AGO2: variants seen among roughly 807,000 people sequenced by gnomAD.
The protein encoded by AGO2 is argonaute RISC catalytic component 2.
A neutral mutation model predicts 102.3 loss-of-function variants in AGO2; 5 were observed. That is an observed-to-expected ratio of 0.05 (90% CI 0.03 to 0.10). The LOEUF is 0.10. Ranked by LOEUF, AGO2 falls within the 10% of genes least tolerant of loss-of-function variation. The pLI is 1.00. For synonymous variants in AGO2, 449 were observed against 473.1 expected, an observed-to-expected ratio of 0.95 and a Z score of 0.66; for missense variants, 541 against 1,183.7, an observed-to-expected ratio of 0.46 and a Z score of 7.97.
At chr8:140,587,745 C>T (rs1047281638) in intron 1 of AGO2, among the ~76,000 whole-genome samples, 1 of 152,250 alleles carries the variant, frequency 6.6e-6, no homozygotes, top group African/African-American at 2.4e-5. Context: ...CACATACGCA[C>T]TTGTCACATT....
chr8:140,529,288 A>G lies in AGO2; in HGVS notation c.*2756T>C, dbSNP rs1167391778. 6.6e-6 allele frequency: 1 copy of G among 152,240 alleles called. No homozygotes were observed. Among genetic ancestry groups the G allele is most frequent in the African/African-American group, 2.4e-5 (1 of 41,466 alleles). The allele number at this position is 152,240 out of a possible 1,614,324, so 9.4% of individuals were successfully genotyped here. On this transcript the variant is annotated 3_prime_UTR_variant, in exon 19 of 19. Transcript: ENST00000220592. ...GGCCACCTCTGGCTTTCACGTGAAC[A>G]GGGCTGGGACTTACCCTACTGTACT...
chr8:140,558,867 A>G (rs1356174946), intron 6 of AGO2, among the ~76,000 whole-genome samples: 2 of 152,192 alleles, frequency 1.3e-5, no homozygotes, highest in African/African-American at 4.8e-5. Flanking sequence ...GGTACGGTGG[A>G]TGGCCCTGCA....
chr8:140,607,507 TATATATATAC>T (rs1475469068), intron 1 of AGO2, among the ~76,000 whole-genome samples: 21 of 9,658 alleles, frequency 2.2e-3, no homozygotes, highest in African/African-American at 4.1e-3. Context: ...TATATATATA[TATATATATAC>T]ACACACACAC....
chr8:140,636,010 C>A (rs996702521), upstream of AGO2, among the ~76,000 whole-genome samples: 1 of 150,456 alleles, frequency 6.6e-6, no homozygotes, highest in East Asian at 2.0e-4. Flanking sequence ...CCGGGCCCCC[C>A]GGCTGTGCCG....
chr8:140,582,588 G>T (rs796865150), intron 2 of AGO2, among the ~76,000 whole-genome samples: 4 of 152,222 alleles, frequency 2.6e-5, no homozygotes, highest in African/African-American at 9.6e-5. Flanking sequence ...AGTGGGGAAA[G>T]AAAAGTATTT....
At chr8:140,573,195 G>A (rs1443303659) in intron 2 of AGO2, among the ~76,000 whole-genome samples, 2 of 151,676 alleles carry the variant, frequency 1.3e-5, no homozygotes, top group South Asian at 2.1e-4. Context: ...TTGAGACGGA[G>A]TTTCGCTCTT....
chr8:140,556,430 C>T (rs2073095340), intron 8 of AGO2, 144 bp from the exon 9 acceptor site: 7 of 1,063,838 alleles, frequency 6.6e-6, no homozygotes, highest in Non-Finnish European at 9.4e-6. Context: ...GTGCAGGTGT[C>T]TGCTGTGGGG....
In AGO2 at chr8:140,532,199, C is replaced by T. The variant is rs375874391; in HGVS notation, c.2472-47G>A. On this transcript the variant is annotated intron_variant, in intron 18 of 18. Transcript: ENST00000220592. Reference sequence around the variant, plus strand: ...AGAATGAGAATGTGCAGCCTTAATGCACGATGAGGCAGTGCGTCGATCACT... The same window carrying T: ...AGAATGAGAATGTGCAGCCTTAATGTACGATGAGGCAGTGCGTCGATCACT... 4.5e-5 allele frequency: 70 copies of T among 1,552,224 alleles called. No homozygotes were observed. In the African/African-American group the frequency reaches 8.3e-4, roughly 18 times the overall value.
chr8:140,620,528 C>G (rs1392331097), intron 1 of AGO2, among the ~76,000 whole-genome samples: 1 of 152,180 alleles, frequency 6.6e-6, no homozygotes, highest in Admixed American at 6.5e-5. Flanking sequence ...TTCTCCTCCA[C>G]TTTTATGTAC....
At chr8:140,596,018 T>C (rs887170844) in intron 1 of AGO2, among the ~76,000 whole-genome samples, 4 of 136,312 alleles carry the variant, frequency 2.9e-5, no homozygotes, top group Admixed American at 8.3e-5. Flanking sequence ...CACACACACA[T>C]ACACACATAT....
At chr8:140,611,076 C>T (rs940883573) in intron 1 of AGO2, among the ~76,000 whole-genome samples, 1 of 152,108 alleles carries the variant, frequency 6.6e-6, no homozygotes, top group African/African-American at 2.4e-5. Context: ...AAGTGTGGTC[C>T]GGGGAGCTTC....
intron 1 of AGO2, among the ~76,000 whole-genome samples, chr8:140,628,386 CGT>C (rs886356269): frequency 1.3e-5 from 2 of 151,244 alleles, no homozygotes; most frequent in East Asian, 1.9e-4. Context: ...GCTGCAGGCA[CGT>C]GTGTGTGTGC....
Position 140,523,404 on chromosome 8 carries a change from A to C in AGO2, c.*8640T>G, listed in dbSNP as rs2072447680. On this transcript the variant is annotated 3_prime_UTR_variant, in exon 19 of 19. Coordinates refer to ENST00000220592, the MANE Select transcript of AGO2 (RefSeq NM_012154.5). Reference sequence around the variant, plus strand: ...TCTTTTTCAATTATTTTATAAAAATAAAATAAAACTAGAAAAATTGATAAA... The same window carrying C: ...TCTTTTTCAATTATTTTATAAAAATCAAATAAAACTAGAAAAATTGATAAA... The C allele has an allele frequency of 2.0e-5, 3 of 152,196 alleles. No homozygotes were observed. The highest frequency in any genetic ancestry group is 1.3e-4 in the Admixed American group (2 of 15,284). 9.4% of individuals were successfully genotyped at this position (152,196 alleles called of 1,614,324 possible). A position where few individuals can be genotyped will look rare whatever the true frequency, so the allele number is the denominator to read the frequency against.
At chr8:140,560,700 G>A (rs1477375288) in intron 4 of AGO2, among the ~76,000 whole-genome samples, 190 bp from the exon 5 acceptor site, 1 of 152,360 alleles carries the variant, frequency 6.6e-6, no homozygotes, top group Non-Finnish European at 1.5e-5. Flanking sequence ...CACTGTGACA[G>A]CAGCAGGCTG....
At chr8:140,566,322 G>A (rs2073283582) in intron 3 of AGO2, among the ~76,000 whole-genome samples, 1 of 152,202 alleles carries the variant, frequency 6.6e-6, no homozygotes, top group Non-Finnish European at 1.5e-5. Context: ...CCATGACTGT[G>A]ATGCTTCCCT....
In AGO2 at chr8:140,544,243, G is replaced by A. The variant is rs190266166; in HGVS notation, c.1809C>T (p.Ala603=). 339 of 1,595,818 alleles carry A rather than the reference G, an allele frequency of 2.1e-4. 1 individual carries two copies. In the East Asian group the frequency reaches 5.5e-3, roughly 26 times the overall value. Residue 603 remains alanine, a synonymous_variant, in exon 14 of 19, where the codon GCC becomes GCT. Transcript: ENST00000220592. The part of the protein sequence containing the change: ...FLGADVTHPP[A]GDGKKPSIAA... ...CAATGGAGGGCTTCTTCCCATCCCC[G>A]GCGGGGGGGTGAGTGACGTCTGCTC...
At chr8:140,610,903 C>T (rs577992965) in intron 1 of AGO2, among the ~76,000 whole-genome samples, 17 of 152,364 alleles carry the variant, frequency 1.1e-4, no homozygotes, top group Non-Finnish European at 7.3e-5. Context: ...AGATGCTCTT[C>T]TTGGGTGGTT....
intron 2 of AGO2, among the ~76,000 whole-genome samples, chr8:140,578,978 T>C (rs1564097534): frequency 6.6e-6 from 1 of 152,268 alleles, no homozygotes. Context: ...GCTTTTGCCT[T>C]AATACATTCT....
At chr8:140,602,192 G>A (rs2073942925) in intron 1 of AGO2, among the ~76,000 whole-genome samples, 1 of 152,148 alleles carries the variant, frequency 6.6e-6, no homozygotes, top group South Asian at 2.1e-4. Context: ...GAGTAGAATA[G>A]ATGTTAAAAA....
Sources: gnomAD v4.1 joint callset for allele counts (sites outside exome capture counted in the v4.1 genomes callset) on GRCh38, gnomAD v4.1.1 for gene constraint, MANE v1.5 for transcripts, NCBI Gene and HGNC (gene_info 2026-07-23, HGNC 2026-07-21) for gene names.